Variants in LOC128462377 observed in about 807,000 individuals in gnomAD.
the LOC128462377 span, among the ~76,000 whole-genome samples, chr16:89,338,255 A>G: frequency 6.6e-6 from 1 of 152,008 alleles, no homozygotes; most frequent in Non-Finnish European, 1.5e-5. Context: ...TGCTGCCATG[A>G]GCGCCACACT....
the LOC128462377 span, among the ~76,000 whole-genome samples, chr16:89,383,191 G>T: frequency 1.3e-5 from 2 of 152,228 alleles, no homozygotes; most frequent in Non-Finnish European, 2.9e-5. Flanking sequence ...GCGGTGCGAG[G>T]TCACCTCAGG....
the LOC128462377 span, among the ~76,000 whole-genome samples, chr16:89,354,528 G>A: frequency 6.6e-6 from 1 of 152,318 alleles, no homozygotes; most frequent in African/African-American, 2.4e-5. Flanking sequence ...TTGATAGGGA[G>A]GGCACTTCTA....
chr16:89,334,610 C>T, the LOC128462377 span, among the ~76,000 whole-genome samples: 87 of 152,206 alleles, frequency 5.7e-4, no homozygotes, highest in African/African-American at 2.1e-3. Flanking sequence ...AGACCCTGAC[C>T]CAGAGCAAGC....
chr16:89,362,579 C>G, the LOC128462377 span, among the ~76,000 whole-genome samples: 1 of 152,214 alleles, frequency 6.6e-6, no homozygotes, highest in African/African-American at 2.4e-5. Context: ...CAAAGACTTT[C>G]CTCCCCATCT....
At chr16:89,405,063 G>A in the LOC128462377 span, among the ~76,000 whole-genome samples, 3 of 151,824 alleles carry the variant, frequency 2.0e-5, no homozygotes, top group African/African-American at 4.8e-5. Context: ...ACAGCCCGAC[G>A]CCCCGTCACA....
At chr16:89,326,103 T>C in the LOC128462377 span, among the ~76,000 whole-genome samples, 3 of 152,290 alleles carry the variant, frequency 2.0e-5, no homozygotes, top group East Asian at 1.9e-4. Context: ...GGCGCCAAGA[T>C]ACAAACTAAA....
the LOC128462377 span, chr16:89,370,732 A>T: frequency 6.6e-6 from 1 of 152,278 alleles, no homozygotes; most frequent in Non-Finnish European, 1.5e-5. Context: ...CATCACGGTG[A>T]CTGCTGTGCT....
the LOC128462377 span, among the ~76,000 whole-genome samples, chr16:89,405,282 CTG>C: frequency 6.6e-6 from 1 of 152,150 alleles, no homozygotes; most frequent in Non-Finnish European, 1.5e-5. Flanking sequence ...TGGGGCATGA[CTG>C]TATTCTGTAG....
chr16:89,325,510 G>C, the LOC128462377 span, among the ~76,000 whole-genome samples: 1 of 151,720 alleles, frequency 6.6e-6, no homozygotes, highest in African/African-American at 2.4e-5. Flanking sequence ...AATAATGTTG[G>C]GGACAAAATA....
chr16:89,407,660 AACACACATACACACACAC>A, the LOC128462377 span, among the ~76,000 whole-genome samples: 1 of 151,124 alleles, frequency 6.6e-6, no homozygotes, highest in Non-Finnish European at 1.5e-5. Flanking sequence ...GTCTCTATCA[AACACACATACACACACAC>A]ACACACATAG....
chr16:89,336,888 G>A, the LOC128462377 span, among the ~76,000 whole-genome samples: 1 of 152,030 alleles, frequency 6.6e-6, no homozygotes, highest in African/African-American at 2.4e-5. Flanking sequence ...CACTCTGGGA[G>A]GCTGGGTGCG....
the LOC128462377 span, among the ~76,000 whole-genome samples, chr16:89,350,670 G>C: frequency 6.6e-6 from 1 of 152,200 alleles, no homozygotes; most frequent in East Asian, 1.9e-4. Flanking sequence ...AGAGGAAAGG[G>C]GGAACTTTCT....
chr16:89,402,408 G>C, the LOC128462377 span, among the ~76,000 whole-genome samples: 2 of 152,070 alleles, frequency 1.3e-5, no homozygotes, highest in East Asian at 1.9e-4. Context: ...TTTAAATTTA[G>C]GTAGTAGCTC....
the LOC128462377 span, among the ~76,000 whole-genome samples, chr16:89,361,995 G>A: frequency 6.6e-6 from 1 of 152,194 alleles, no homozygotes; most frequent in Non-Finnish European, 1.5e-5. Context: ...GTGGCTCCAG[G>A]CAGGAGGACC....
the LOC128462377 span, among the ~76,000 whole-genome samples, chr16:89,391,494 C>G: frequency 6.6e-6 from 1 of 152,322 alleles, no homozygotes; most frequent in African/African-American, 2.4e-5. Context: ...GCAGAAAGCC[C>G]ACACAACTGG....
the LOC128462377 span, among the ~76,000 whole-genome samples, chr16:89,377,993 C>A: frequency 2.6e-5 from 4 of 152,132 alleles, no homozygotes; most frequent in South Asian, 2.1e-4. Flanking sequence ...TTATGATTTT[C>A]TTAACAACAC....
the LOC128462377 span, among the ~76,000 whole-genome samples, chr16:89,400,022 C>T: frequency 6.8e-5 from 10 of 146,168 alleles, 1 homozygote; most frequent in African/African-American, 1.8e-4. Flanking sequence ...GGCTTCCCTG[C>T]GCTGGAGGCC....
At chr16:89,369,350 T>C in the LOC128462377 span, among the ~76,000 whole-genome samples, 1 of 152,076 alleles carries the variant, frequency 6.6e-6, no homozygotes, top group East Asian at 1.9e-4. Context: ...ACCATTCAGG[T>C]GTCCATCAGC....
At chr16:89,330,759 T>A in the LOC128462377 span, among the ~76,000 whole-genome samples, 2 of 145,570 alleles carry the variant, frequency 1.4e-5, no homozygotes, top group Admixed American at 1.4e-4. Flanking sequence ...CCTCGGCGAG[T>A]TCCAACCTCT....
Sources: gnomAD v4.1 joint callset for allele counts (sites outside exome capture counted in the v4.1 genomes callset) on GRCh38, gnomAD v4.1.1 for gene constraint, MANE v1.5 for transcripts.